MDFIC: variants seen among roughly 807,000 people sequenced by gnomAD.
The protein encoded by MDFIC is MyoD family inhibitor domain containing.
MDFIC carries 17 observed loss-of-function variants against 23.2 expected under a neutral mutation model. That is an observed-to-expected ratio of 0.73 (90% CI 0.50 to 1.10). The LOEUF is 1.10. Among genes scored for constraint, MDFIC ranks in the 50% least tolerant of loss-of-function variants. MDFIC has a pLI of 0.00. For synonymous variants in MDFIC, 120 were observed against 115.2 expected, an observed-to-expected ratio of 1.04 and a Z score of -0.27; for missense variants, 356 against 316.6, an observed-to-expected ratio of 1.12 and a Z score of -0.95.
chr7:114,937,916 T>A (rs536570807), intron 2 of MDFIC, among the ~76,000 whole-genome samples: 1 of 152,294 alleles, frequency 6.6e-6, no homozygotes, highest in East Asian at 1.9e-4. Flanking sequence ...TTTTATCCCA[T>A]TATTAGTAGA....
At chr7:114,926,816 T>C (rs1423630350) in intron 2 of MDFIC, among the ~76,000 whole-genome samples, 1 of 152,230 alleles carries the variant, frequency 6.6e-6, no homozygotes, top group African/African-American at 2.4e-5. Context: ...AGCCAGTTTA[T>C]TTCAATGTAT....
intron 2 of MDFIC, among the ~76,000 whole-genome samples, chr7:114,935,265 A>G (rs1181122192): frequency 6.6e-6 from 1 of 152,104 alleles, no homozygotes; most frequent in Non-Finnish European, 1.5e-5. Context: ...ACCAATAACA[A>G]TATACATAAT....
chr7:114,947,539 T>G (rs1451551805), intron 3 of MDFIC, among the ~76,000 whole-genome samples: 1 of 152,210 alleles, frequency 6.6e-6, no homozygotes, highest in African/African-American at 2.4e-5. Context: ...TATTCTAGCA[T>G]GGAGGTCAAG....
rs61524212 is a variant in MDFIC, at chr7:114,947,667, G to C, written c.217+5270G>C. ...TTTTGTTTGGAGCATTTAATGTTCT[G>C]GGGCTAAGAGGTCAATGGAAACTGA... On this transcript the variant is annotated intron_variant, in intron 3 of 4. Transcript: ENST00000393486. Among the ~76,000 whole-genome samples, 566 of 152,194 alleles carry C rather than the reference G, an allele frequency of 3.7e-3. 6 individuals carry two copies. Among genetic ancestry groups the C allele is most frequent in the African/African-American group, 0.013 (533 of 41,532 alleles).
At position 114,922,996 on chromosome 7, in the gene MDFIC, G is replaced by A. The variant is rs775613352; in HGVS notation, c.-38G>A. 2.0e-5 allele frequency: 30 copies of A among 1,509,578 alleles called. No homozygotes were observed. The highest frequency in any genetic ancestry group is 2.1e-4 in the Middle Eastern group (1 of 4,758). 93.5% of individuals were successfully genotyped at this position (1,509,578 alleles called of 1,614,324 possible). On this transcript the variant is annotated 5_prime_UTR_variant, in exon 2 of 5. It removes the in-frame stop codon of an upstream open reading frame in the 5' UTR. Transcript: ENST00000393486. Reference sequence around the variant, plus strand: ...GTGCGCCCTGCCGGGCGGCGAGCTAGGCGGCAGCGGCGCGGCGCGGGCTCG... The same window carrying A: ...GTGCGCCCTGCCGGGCGGCGAGCTAAGCGGCAGCGGCGCGGCGCGGGCTCG...
At position 114,973,699 on chromosome 7, in the gene MDFIC, G is replaced by A. The variant is rs561257885; in HGVS notation, c.218-5807G>A. On this transcript the variant is annotated intron_variant, in intron 3 of 4. Transcript: ENST00000393486. ...AAGTTTTATCCTTTCTTTGGGGATG[G>A]GGGTAGTTGTACTTCCTGTTGTCAT... Among the ~76,000 whole-genome samples, 61 of 152,216 alleles carry A rather than the reference G, an allele frequency of 4.0e-4. No individual in the cohort carries two copies. The South Asian group carries it at 4.1e-3, about 10-fold the overall frequency.
At chr7:114,956,786 T>G (rs2709505) in intron 3 of MDFIC, among the ~76,000 whole-genome samples, 16,453 of 152,164 alleles carry the variant, frequency 0.11, 1,313 homozygotes, top group African/African-American at 0.23. Context: ...GATTGAGTAT[T>G]AAGGTTTTTG....
chr7:114,922,264 G>C lies in MDFIC; in HGVS notation c.-480G>C. ...TCGGGGCCGCTAGCCAAGAGTTCGA[G>C]GCCTTCCCGATCCGGATGTGATGAA... is the stretch of plus-strand genomic sequence containing the variant. On this transcript the variant is annotated 5_prime_UTR_variant, in exon 1 of 5. Coordinates refer to ENST00000393486, the MANE Select transcript of MDFIC (RefSeq NM_001166345.3). 1.4e-6 allele frequency: 1 copy of C among 709,520 alleles called. No individual in the cohort carries two copies. The highest frequency in any genetic ancestry group is 2.0e-6 in the Non-Finnish European group (1 of 511,538). 44.0% of individuals were successfully genotyped at this position (709,520 alleles called of 1,614,324 possible). A position where few individuals can be genotyped will look rare whatever the true frequency, so the allele number is the denominator to read the frequency against.
At chr7:114,937,184 C>T (rs1792441106) in intron 2 of MDFIC, among the ~76,000 whole-genome samples, 1 of 152,064 alleles carries the variant, frequency 6.6e-6, no homozygotes, top group Non-Finnish European at 1.5e-5. Context: ...TTCTCCTTTA[C>T]CAGGAAGAAT....
intron 2 of MDFIC, among the ~76,000 whole-genome samples, chr7:114,928,204 T>A (rs1259606613): frequency 5.9e-5 from 9 of 151,676 alleles, no homozygotes; most frequent in Non-Finnish European, 1.3e-4. Flanking sequence ...AAGAGAAGAA[T>A]GTAACTGGGA....
chr7:114,999,157 ATT>A (rs1397715437), intron 4 of MDFIC, among the ~76,000 whole-genome samples: 1 of 151,968 alleles, frequency 6.6e-6, no homozygotes, highest in Non-Finnish European at 1.5e-5. Context: ...TCATTTAATT[ATT>A]GACTACCATT....
chr7:114,922,197 G>T lies in MDFIC; in HGVS notation c.-547G>T. The T allele has an allele frequency of 2.4e-6, 1 of 416,290 alleles. No homozygotes were observed. Among genetic ancestry groups the T allele is most frequent in the African/African-American group, 2.0e-5 (1 of 48,838 alleles). 25.8% of individuals were successfully genotyped at this position (416,290 alleles called of 1,614,324 possible). On this transcript the variant is annotated 5_prime_UTR_variant, in exon 1 of 5. Transcript: ENST00000393486. ...TCCTGACCCAGACAGCGCAGGGCGC[G>T]AGGGATCGCGCGGCCGAGCCCGGGT...
intron 3 of MDFIC, among the ~76,000 whole-genome samples, chr7:114,971,247 T>C (rs1449011766): frequency 6.6e-6 from 1 of 152,222 alleles, no homozygotes; most frequent in East Asian, 1.9e-4. Context: ...TGCTCTTTAA[T>C]ATTAACTGCT....
chr7:114,966,447 A>G (rs1254799396), intron 3 of MDFIC, among the ~76,000 whole-genome samples: 1 of 150,986 alleles, frequency 6.6e-6, no homozygotes, highest in African/African-American at 2.4e-5. Context: ...AAACTGGGAG[A>G]TGTCATTTTA....
intron 3 of MDFIC, among the ~76,000 whole-genome samples, chr7:114,965,402 T>A (rs1793076491): frequency 6.6e-6 from 1 of 152,170 alleles, no homozygotes; most frequent in Non-Finnish European, 1.5e-5. Flanking sequence ...TTGGTTTTAT[T>A]TTTTAGAAAT....
intron 3 of MDFIC, among the ~76,000 whole-genome samples, chr7:114,945,089 C>T (rs1020093570): frequency 1.3e-5 from 2 of 152,206 alleles, no homozygotes; most frequent in African/African-American, 4.8e-5. Context: ...GAGACAGACG[C>T]GGTCGAATGT....
chr7:114,994,027 G>A (rs1791256610), intron 4 of MDFIC, among the ~76,000 whole-genome samples: 1 of 152,116 alleles, frequency 6.6e-6, no homozygotes, highest in Admixed American at 6.6e-5. Flanking sequence ...ATGAATCTGG[G>A]TGCTCCTGTA....
intron 3 of MDFIC, among the ~76,000 whole-genome samples, chr7:114,956,913 C>T (rs982529856): frequency 2.0e-5 from 3 of 152,088 alleles, no homozygotes; most frequent in African/African-American, 4.8e-5. Flanking sequence ...ACTGATGGCC[C>T]ACAGGAACTG....
intron 4 of MDFIC, among the ~76,000 whole-genome samples, chr7:114,993,288 T>C (rs530783936): frequency 9.2e-5 from 14 of 151,618 alleles, no homozygotes; most frequent in South Asian, 4.1e-4. Flanking sequence ...TTTGTTGATC[T>C]TTTCAAAAAA....
Sources: gnomAD v4.1 joint callset for allele counts (sites outside exome capture counted in the v4.1 genomes callset) on GRCh38, gnomAD v4.1.1 for gene constraint, MANE v1.5 for transcripts, NCBI Gene and HGNC (gene_info 2026-07-23, HGNC 2026-07-21) for gene names.